KCTD14: variants seen among roughly 807,000 people sequenced by gnomAD.
KCTD14 encodes the protein potassium channel tetramerization domain containing 14.
In KCTD14, 7 loss-of-function variants were observed where a neutral mutation model predicts 5.9. The ratio of observed to expected loss-of-function variants is 1.19; its 90% CI spans 0.68 to 2.23. The LOEUF (loss-of-function observed/expected upper bound fraction) is 2.23. KCTD14 is among the 30% of genes most tolerant of loss of function. KCTD14 has a pLI of 0.00. For missense variants in KCTD14, 342 were observed against 332.2 expected (o/e 1.03, Z -0.23); for synonymous variants, 140 against 133.1 (o/e 1.05, Z -0.36).
intron 1 of KCTD14, chr11:78,045,999 A>G (rs1858128049): frequency 7.7e-6 from 5 of 646,226 alleles, no homozygotes; most frequent in Non-Finnish European, 9.6e-6. Flanking sequence ...AGTTAGAGGC[A>G]GCCTCAGGAG....
At chr11:78,039,217 A>T (rs996572333) in intron 1 of KCTD14, among the ~76,000 whole-genome samples, 1 of 152,128 alleles carries the variant, frequency 6.6e-6, no homozygotes, top group Admixed American at 6.5e-5. Flanking sequence ...CATGCCATTT[A>T]AAATATTTAT....
rs553608253 is a variant in KCTD14, at chr11:78,018,797, T to C, written c.91-1527A>G. On this transcript the variant is annotated intron_variant, in intron 1 of 1. Coordinates refer to ENST00000353172, the MANE Select transcript of KCTD14 (RefSeq NM_023930.4). ...CAACCTGGGATGCTCAACTCTGATC[T>C]AAGATATAATAAAAGCTGGGGGTGA... Among the ~76,000 whole-genome samples the C allele has an allele frequency of 2.0e-5, 3 of 152,086 alleles. No individual in the cohort carries two copies. The East Asian group carries it at 5.8e-4, about 29-fold the overall frequency.
intron 1 of KCTD14, among the ~76,000 whole-genome samples, chr11:78,019,165 C>T (rs560506942): frequency 1.3e-5 from 2 of 151,390 alleles, no homozygotes; most frequent in African/African-American, 2.4e-5. Flanking sequence ...AGATGTGCAC[C>T]ACCATGCCTG....
At chr11:78,023,281 G>C (rs1857357866), upstream of KCTD14, 1 of 1,603,466 alleles carries the variant, frequency 6.2e-7, no homozygotes, top group African/African-American at 1.3e-5. Flanking sequence ...AAGTGCCCCT[G>C]GCTGCCCGCC....
chr11:78,034,146 G>T (rs1186695615), intron 2 of KCTD14, among the ~76,000 whole-genome samples: 2 of 151,794 alleles, frequency 1.3e-5, no homozygotes, highest in East Asian at 1.9e-4. Flanking sequence ...TTGAGACAGG[G>T]TCTCACTCTG....
At chr11:78,042,602 T>A (rs1183601164) in intron 1 of KCTD14, among the ~76,000 whole-genome samples, 1 of 152,250 alleles carries the variant, frequency 6.6e-6, no homozygotes, top group Non-Finnish European at 1.5e-5. Flanking sequence ...ATCTCCTACG[T>A]GGCATGGCCA....
At chr11:78,020,635 T>A (rs1438443229) in intron 1 of KCTD14, among the ~76,000 whole-genome samples, 1 of 152,208 alleles carries the variant, frequency 6.6e-6, no homozygotes, top group Non-Finnish European at 1.5e-5. Flanking sequence ...AATGGACCAA[T>A]ATGTTCTCAT....
chr11:78,016,452 G>A lies in KCTD14; in HGVS notation c.*141C>T. The A allele has an allele frequency of 1.4e-6, 1 of 691,254 alleles. No individual in the cohort carries two copies. The highest frequency in any genetic ancestry group is 2.0e-5 in the South Asian group (1 of 51,026). The allele number at this position is 691,254 out of a possible 1,614,324, so 42.8% of individuals were successfully genotyped here. A position where few individuals can be genotyped will look rare whatever the true frequency, so the allele number is the denominator to read the frequency against. ...AATGGAGTGGAAAGTCCTTAAACGA[G>A]TGATCAATATTTAGTGGCAAGACTC... is the stretch of plus-strand genomic sequence containing the variant. On this transcript the variant is annotated 3_prime_UTR_variant, in exon 2 of 2. Coordinates refer to ENST00000353172, the MANE Select transcript of KCTD14 (RefSeq NM_023930.4).
intron 1 of KCTD14, among the ~76,000 whole-genome samples, chr11:78,043,237 T>C (rs1264414442): frequency 6.6e-6 from 1 of 151,952 alleles, no homozygotes; most frequent in Non-Finnish European, 1.5e-5. Flanking sequence ...ATGTGTACTA[T>C]GTAGTAAGAT....
intron 1 of KCTD14, among the ~76,000 whole-genome samples, chr11:78,019,218 T>C (rs112365406): frequency 2.0e-5 from 3 of 152,080 alleles, no homozygotes; most frequent in Non-Finnish European, 2.9e-5. Context: ...TTCACCATGT[T>C]GGCCAGGCTG....
upstream of KCTD14, among the ~76,000 whole-genome samples, chr11:78,025,114 GTGTGTA>G (rs1391005262): frequency 2.8e-3 from 186 of 66,814 alleles, 1 homozygote; most frequent in African/African-American, 4.1e-3. Flanking sequence ...GTGTGTGTGT[GTGTGTA>G]TATATATATA....
rs147125977 is a variant in KCTD14 at position 78,021,622 on chromosome 11, T to C, written c.90+1538A>G. On this transcript the variant is annotated intron_variant, in intron 1 of 1. Transcript: ENST00000353172. Reference sequence around the variant, plus strand: ...TTTATACAGACAGGGTTTTGCCATGTTGGCCAGGCTGGCCTCGAACGCCTG... The same window carrying C: ...TTTATACAGACAGGGTTTTGCCATGCTGGCCAGGCTGGCCTCGAACGCCTG... 4.6e-5 allele frequency among the ~76,000 whole-genome samples: 7 copies of C among 152,276 alleles called. No individual in the cohort carries two copies. In the East Asian group the frequency reaches 9.7e-4, roughly 21 times the overall value.
At chr11:78,019,244 C>T (rs751553989) in intron 1 of KCTD14, among the ~76,000 whole-genome samples, 4 of 152,042 alleles carry the variant, frequency 2.6e-5, no homozygotes, top group Non-Finnish European at 5.9e-5. Context: ...GAGCTCCTGA[C>T]CTCAAGTGAT....
At chr11:78,019,233 C>T (rs1368782325) in intron 1 of KCTD14, among the ~76,000 whole-genome samples, 6 of 151,830 alleles carry the variant, frequency 4.0e-5, no homozygotes, top group Admixed American at 2.0e-4. Flanking sequence ...AGGCTGGTCT[C>T]GAGCTCCTGA....
chr11:78,036,124 A>T (rs1171878253), intron 2 of KCTD14, among the ~76,000 whole-genome samples: 1 of 152,060 alleles, frequency 6.6e-6, no homozygotes, highest in East Asian at 1.9e-4. Context: ...GCACCACTGC[A>T]CTCCAGCCTG....
At chr11:78,038,737 C>A (rs1009756016) in exon 2 of KCTD14, 1 of 1,535,732 alleles carries the variant, frequency 6.5e-7, no homozygotes, top group Non-Finnish European at 8.7e-7. Flanking sequence ...TGGGGACAAG[C>A]AACAGAGGCC....
At chr11:78,043,265 T>C (rs12417755) in intron 1 of KCTD14, among the ~76,000 whole-genome samples, 19,863 of 152,286 alleles carry the variant, frequency 0.13, 1,591 homozygotes, top group East Asian at 0.21. Flanking sequence ...GCAATGTTGC[T>C]TGTATTATCC....
At position 78,016,902 on chromosome 11, in the gene KCTD14, C is replaced by T; in HGVS notation, c.459G>A (p.Val153=). 6.2e-7 allele frequency: 1 copy of T among 1,614,186 alleles called. No individual in the cohort carries two copies. Among genetic ancestry groups the T allele is most frequent in the Non-Finnish European group, 8.5e-7 (1 of 1,179,994 alleles). Residue 153 remains valine (V), a synonymous_variant, in exon 2 of 2, where the codon GTG becomes GTA. Transcript: ENST00000353172. The part of the protein sequence containing the change: ...PGYSENLELM[V]RLARAEAITA... ...TTATGGCTTCTGCACGTGCCAGGCG[C>T]ACCATGAGCTCCAGGTTCTCGCTGT...
chr11:78,029,329 G>T (rs779155051), intron 2 of KCTD14, among the ~76,000 whole-genome samples: 1 of 152,274 alleles, frequency 6.6e-6, no homozygotes, highest in Middle Eastern at 3.4e-3. Flanking sequence ...GCTTGGCTTT[G>T]GTTAGCTCCC....
Sources: allele counts gnomAD v4.1 joint callset (sites outside exome capture counted in the v4.1 genomes callset), GRCh38; gene constraint gnomAD v4.1.1; transcripts MANE v1.5; gene names NCBI Gene and HGNC (gene_info 2026-07-23, HGNC 2026-07-21).